Variants in PHACTR1 observed in about 807,000 individuals in gnomAD.
The protein encoded by PHACTR1 is phosphatase and actin regulator 1, also known as RPEL repeat containing 1.
PHACTR1 carries 16 observed loss-of-function variants against 69.2 expected under a neutral mutation model. That is an observed-to-expected ratio of 0.23 (90% CI 0.16 to 0.35). The LOEUF (loss-of-function observed/expected upper bound fraction) is 0.35, where lower values mean the gene tolerates loss of function less well. Among genes scored for constraint, PHACTR1 ranks in the 10% least tolerant of loss-of-function variants. The pLI is 1.00. For missense variants in PHACTR1, 510 were observed against 734.7 expected (o/e 0.69, Z 3.54); for synonymous variants, 312 against 284.5 (o/e 1.10, Z -0.97).
intron 4 of PHACTR1, among the ~76,000 whole-genome samples, chr6:13,037,308 AC>A (rs534437305): frequency 1.3e-5 from 2 of 151,790 alleles, no homozygotes; most frequent in Non-Finnish European, 2.9e-5. Flanking sequence ...ACCTACAGGC[AC>A]CCCCCCAAAC....
At chr6:12,979,307 C>G (rs935469756) in intron 4 of PHACTR1, among the ~76,000 whole-genome samples, 19 of 152,232 alleles carry the variant, frequency 1.2e-4, no homozygotes, top group Non-Finnish European at 5.9e-5. Flanking sequence ...AATCATTAAG[C>G]ATGTCTCTGA....
chr6:12,840,524 C>T (rs1778586938), intron 4 of PHACTR1, among the ~76,000 whole-genome samples: 1 of 152,162 alleles, frequency 6.6e-6, no homozygotes, highest in Non-Finnish European at 1.5e-5. Context: ...ACAGGAGAGC[C>T]TGCCAGAAGC....
intron 4 of PHACTR1, among the ~76,000 whole-genome samples, chr6:13,021,413 C>T (rs1376325932): frequency 6.6e-6 from 1 of 152,166 alleles, no homozygotes; most frequent in Non-Finnish European, 1.5e-5. Context: ...CATGTATTCA[C>T]CCATTCATCT....
In PHACTR1 at chr6:12,928,618, C is replaced by CCCGT. The variant is rs1554169287; in HGVS notation, c.251-124745_251-124744insGTCC. 3.3e-5 allele frequency among the ~76,000 whole-genome samples: 4 copies of CCCGT among 119,700 alleles called. No individual in the cohort carries two copies. The East Asian group carries it at 1.1e-3, about 33-fold the overall frequency. 78.5% of individuals were successfully genotyped at this position (119,700 alleles called of 152,430 possible). ...ATCTGTCCATCCACCCACCCACCCA[C>CCCGT]CCATCCATCCATCCATCCATCCGTT... On this transcript the variant is annotated intron_variant, in intron 4 of 14. Coordinates refer to ENST00000332995, the MANE Select transcript of PHACTR1 (RefSeq NM_030948.6).
intron 4 of PHACTR1, among the ~76,000 whole-genome samples, chr6:12,998,774 A>G (rs13207062): frequency 0.52 from 78,968 of 151,944 alleles, 23,108 homozygotes; most frequent in African/African-American, 0.8. Flanking sequence ...GCCAAAAACA[A>G]TGGTTATACT....
At chr6:13,095,824 G>A (rs953890453) in intron 5 of PHACTR1, among the ~76,000 whole-genome samples, 27 of 130,394 alleles carry the variant, frequency 2.1e-4, no homozygotes, top group African/African-American at 7.4e-4. Context: ...CTATCTAGAG[G>A]AAGAACTGGG....
intron 10 of PHACTR1, chr6:13,252,928 G>GTTT: frequency 2.9e-6 from 1 of 348,790 alleles, no homozygotes; most frequent in Admixed American, 2.8e-5. Context: ...AGATTCCTTG[G>GTTT]GGTTTTTGTG....
At chr6:13,181,653 G>A (rs907947693) in intron 6 of PHACTR1, among the ~76,000 whole-genome samples, 15 of 152,122 alleles carry the variant, frequency 9.9e-5, no homozygotes, top group African/African-American at 2.7e-4. Context: ...ATTGGTGGTC[G>A]GCACCGGGAG....
intron 4 of PHACTR1, among the ~76,000 whole-genome samples, chr6:12,823,172 T>C (rs962106658): frequency 6.6e-6 from 1 of 152,244 alleles, no homozygotes; most frequent in Non-Finnish European, 1.5e-5. Flanking sequence ...ACTTACATTC[T>C]ACGTGCTTAG....
chr6:12,850,294 C>G (rs1017628196), intron 4 of PHACTR1, among the ~76,000 whole-genome samples: 1 of 152,268 alleles, frequency 6.6e-6, no homozygotes, highest in African/African-American at 2.4e-5. Flanking sequence ...ACCTCATCTA[C>G]ATTCACCACA....
chr6:12,725,941 T>C (rs921575463), intron 3 of PHACTR1, among the ~76,000 whole-genome samples: 1 of 152,132 alleles, frequency 6.6e-6, no homozygotes, highest in Non-Finnish European at 1.5e-5. Context: ...CATTTTAGAC[T>C]CCAGGAAAGG....
intron 6 of PHACTR1, among the ~76,000 whole-genome samples, chr6:13,176,704 T>C (rs888947296): frequency 2.0e-5 from 3 of 152,204 alleles, no homozygotes; most frequent in Admixed American, 6.5e-5. Context: ...CTATTTTTCG[T>C]ACATTTTTAT....
chr6:13,208,628 C>G (rs1375631506), intron 8 of PHACTR1, among the ~76,000 whole-genome samples: 2 of 119,880 alleles, frequency 1.7e-5, no homozygotes, highest in African/African-American at 3.0e-5. Flanking sequence ...GTCATTGCTG[C>G]CCACCCCCCC....
intron 3 of PHACTR1, among the ~76,000 whole-genome samples, chr6:12,742,856 G>C (rs1765228007): frequency 6.6e-6 from 1 of 152,126 alleles, no homozygotes; most frequent in Non-Finnish European, 1.5e-5. Context: ...GGCAAAAGAT[G>C]ATATCTGGAA....
intron 5 of PHACTR1, among the ~76,000 whole-genome samples, chr6:13,100,484 T>G (rs1221325058): frequency 6.6e-6 from 1 of 152,216 alleles, no homozygotes; most frequent in African/African-American, 2.4e-5. Flanking sequence ...CTCCACTCGC[T>G]CACCTCCAAA....
At chr6:12,812,028 AT>A (rs1376886473) in intron 4 of PHACTR1, among the ~76,000 whole-genome samples, 1 of 151,862 alleles carries the variant, frequency 6.6e-6, no homozygotes, top group Non-Finnish European at 1.5e-5. Flanking sequence ...AAAATTAACC[AT>A]TTTAAACTGT....
chr6:13,125,594 A>T (rs1819409794), intron 5 of PHACTR1, among the ~76,000 whole-genome samples: 1 of 152,240 alleles, frequency 6.6e-6, no homozygotes, highest in African/African-American at 2.4e-5. Context: ...AATTTAAATT[A>T]AAAATCCCCA....
At chr6:13,163,926 C>A (rs938818068) in intron 6 of PHACTR1, among the ~76,000 whole-genome samples, 2 of 152,018 alleles carry the variant, frequency 1.3e-5, no homozygotes, top group African/African-American at 4.8e-5. Context: ...TGTTGGTAGT[C>A]TCATCATCAT....
intron 7 of PHACTR1, among the ~76,000 whole-genome samples, chr6:13,200,778 G>GAA (rs1221983286): frequency 2.2e-5 from 3 of 139,014 alleles, no homozygotes; most frequent in Non-Finnish European, 3.2e-5. Flanking sequence ...TACTAAAAAT[G>GAA]AAAAAAAAAA....
Sources: gnomAD v4.1 joint callset for allele counts (sites outside exome capture counted in the v4.1 genomes callset) on GRCh38, gnomAD v4.1.1 for gene constraint, MANE v1.5 for transcripts, NCBI Gene and HGNC (gene_info 2026-07-23, HGNC 2026-07-21) for gene names.